Variants in RIMS2 observed in about 807,000 individuals in gnomAD.
RIMS2 encodes the protein regulating synaptic membrane exocytosis protein 2.
In RIMS2, 59 loss-of-function variants were observed where a neutral mutation model predicts 174.4. The ratio of observed to expected loss-of-function variants is 0.34; its 90% CI spans 0.27 to 0.42. The LOEUF (loss-of-function observed/expected upper bound fraction) is 0.42. Ranked by LOEUF, RIMS2 falls within the 10% of genes least tolerant of loss-of-function variation. RIMS2 has a pLI of 1.00. For missense variants in RIMS2, 1,620 were observed against 1,666.3 expected, an observed-to-expected ratio of 0.97 and a Z score of 0.48; for synonymous variants, 606 against 572.5, an observed-to-expected ratio of 1.06 and a Z score of -0.84.
chr8:103,742,280 A>G (rs748910235), intron 2 of RIMS2, among the ~76,000 whole-genome samples: 1 of 152,120 alleles, frequency 6.6e-6, no homozygotes, highest in Non-Finnish European at 1.5e-5. Flanking sequence ...GTGAGTATTT[A>G]CAGTTTTGAA....
chr8:104,230,963 A>G (rs2099224472), intron 19 of RIMS2, among the ~76,000 whole-genome samples: 1 of 152,238 alleles, frequency 6.6e-6, no homozygotes, highest in Non-Finnish European at 1.5e-5. Context: ...ATGTTGGCAC[A>G]TGAATAAAAA....
At chr8:103,642,425 A>G (rs1279936790) in intron 1 of RIMS2, among the ~76,000 whole-genome samples, 1 of 152,146 alleles carries the variant, frequency 6.6e-6, no homozygotes, top group African/African-American at 2.4e-5. Flanking sequence ...GTATTGCTAC[A>G]GTTCCACATT....
intron 1 of RIMS2, among the ~76,000 whole-genome samples, chr8:103,527,464 A>C (rs767153934): frequency 6.6e-6 from 1 of 152,166 alleles, no homozygotes; most frequent in Non-Finnish European, 1.5e-5. Context: ...ATATGTATAC[A>C]TGTGCCATGT....
At position 103,931,965 on chromosome 8, in the gene RIMS2, G is replaced by T. The variant is rs74951314; in HGVS notation, c.2375+572G>T. ...TCTTCTAATCAATATAAATGGTATTGTTCTACCCTTATTTTTTTTTCTTTT... is the reference window on the plus strand; with the variant it reads ...TCTTCTAATCAATATAAATGGTATTTTTCTACCCTTATTTTTTTTTCTTTT... On this transcript the variant is annotated intron_variant, in intron 12 of 23. Transcript: ENST00000504942. Among the ~76,000 whole-genome samples the T allele has an allele frequency of 1.1e-4, 17 of 151,744 alleles. No individual in the cohort carries two copies. In the East Asian group the frequency reaches 3.3e-3, roughly 29 times the overall value.
Position 103,510,864 on chromosome 8 carries a change from A to G in RIMS2, c.176+9802A>G, listed in dbSNP as rs138758714. Among the ~76,000 whole-genome samples the G allele has an allele frequency of 8.7e-3, 1,324 of 152,262 alleles. 74 individuals are homozygous for G. The highest frequency in any genetic ancestry group is 0.079 in the Admixed American group (1,211 of 15,282). ...ATATTTATGTGTTCCTGCAATTAGG[A>G]CAGAACATCTTTGGGGGGCCATTTA... On this transcript the variant is annotated intron_variant, in intron 1 of 23. Transcript: ENST00000504942.
chr8:103,967,479 C>T (rs1005368450), intron 15 of RIMS2, among the ~76,000 whole-genome samples: 2 of 151,694 alleles, frequency 1.3e-5, no homozygotes, highest in African/African-American at 4.8e-5. Context: ...TGGGCATGAA[C>T]CACCATGCCC....
At position 104,005,499 on chromosome 8, in the gene RIMS2, G is replaced by T. The variant is rs145356708; in HGVS notation, c.3045-7943G>T. Among the ~76,000 whole-genome samples, 6 of 152,238 alleles carry T rather than the reference G, an allele frequency of 3.9e-5. No individual in the cohort carries two copies. The South Asian group carries it at 8.3e-4, about 21-fold the overall frequency. On this transcript the variant is annotated intron_variant, in intron 17 of 23. Transcript: ENST00000504942. ...TGCAGGAAGGTTGATGTTTAAGGAA[G>T]TTTATTAACAATGGAGTAAGGATTC...
chr8:103,693,788 A>AT (rs2097061923), intron 1 of RIMS2, among the ~76,000 whole-genome samples: 2 of 151,896 alleles, frequency 1.3e-5, no homozygotes, highest in Non-Finnish European at 2.9e-5. Flanking sequence ...TTGTGGGCCG[A>AT]TTCATTTGGT....
intron 19 of RIMS2, among the ~76,000 whole-genome samples, chr8:104,168,048 A>G (rs1425161744): frequency 1.3e-5 from 2 of 152,064 alleles, no homozygotes; most frequent in African/African-American, 4.8e-5. Context: ...TGCCAGTAAC[A>G]TGTTGTTTTG....
At chr8:104,102,203 T>C (rs575751138) in intron 19 of RIMS2, among the ~76,000 whole-genome samples, 8 of 152,288 alleles carry the variant, frequency 5.3e-5, no homozygotes, top group African/African-American at 1.9e-4. Context: ...AAGCTCAGCA[T>C]GTAAAATTAA....
At chr8:103,682,297 A>G (rs1353321489) in intron 1 of RIMS2, among the ~76,000 whole-genome samples, 1 of 152,100 alleles carries the variant, frequency 6.6e-6, no homozygotes, top group Non-Finnish European at 1.5e-5. Context: ...ACATAATAAA[A>G]AGAGAAGAGG....
chr8:103,967,189 T>TTTTTTG, intron 15 of RIMS2, among the ~76,000 whole-genome samples: 1 of 133,280 alleles, frequency 7.5e-6, no homozygotes, highest in African/African-American at 3.0e-5. Context: ...TTTTTTTTTT[T>TTTTTTG]TTTTTTTTTT....
chr8:103,717,675 A>G (rs1331733078), intron 2 of RIMS2, among the ~76,000 whole-genome samples: 24 of 152,230 alleles, frequency 1.6e-4, no homozygotes, highest in Non-Finnish European at 4.4e-5. Flanking sequence ...ATAAGATTTC[A>G]TAATATAACA....
At chr8:103,652,515 C>T in intron 1 of RIMS2, 109 bp from the exon 3 acceptor site, 2 of 515,228 alleles carry the variant, frequency 3.9e-6, no homozygotes, top group East Asian at 1.4e-4. Flanking sequence ...CTCACATTAC[C>T]ATTGGCTGTA....
intron 19 of RIMS2, among the ~76,000 whole-genome samples, chr8:104,200,656 C>T (rs1278034188): frequency 6.6e-6 from 1 of 152,198 alleles, no homozygotes; most frequent in Non-Finnish European, 1.5e-5. Flanking sequence ...GCTGTAATCC[C>T]AGCACTTTTG....
chr8:103,800,776 G>A (rs1017225893), intron 3 of RIMS2, among the ~76,000 whole-genome samples: 1 of 152,064 alleles, frequency 6.6e-6, no homozygotes, highest in Non-Finnish European at 1.5e-5. Context: ...ATGAGGGAGA[G>A]TTGTATGTAG....
At chr8:103,861,004 C>T (rs886688572) in intron 3 of RIMS2, among the ~76,000 whole-genome samples, 1 of 151,456 alleles carries the variant, frequency 6.6e-6, no homozygotes, top group Non-Finnish European at 1.5e-5. Flanking sequence ...ATTTTAGATT[C>T]AGGAATTACA....
chr8:103,747,769 G>C lies in RIMS2; in HGVS notation c.388-18458G>C, dbSNP rs908157647. ...AGTTGCCATTAACTGTTATGGGTAA[G>C]ACTGCAGGTGGAGCAATTTCCGTGT... On this transcript the variant is annotated intron_variant, in intron 2 of 23. Transcript: ENST00000504942. 3.3e-5 allele frequency among the ~76,000 whole-genome samples: 5 copies of C among 152,158 alleles called. No homozygotes were observed. In the South Asian group the frequency reaches 6.2e-4, roughly 19 times the overall value.
chr8:103,702,852 G>GTTTTTT (rs59947900), intron 2 of RIMS2, among the ~76,000 whole-genome samples: 7 of 117,260 alleles, frequency 6.0e-5, no homozygotes, highest in Non-Finnish European at 1.1e-4. Context: ...TCCTCCAGCT[G>GTTTTTT]TTTTTTTTTT....
Sources: gnomAD v4.1 joint callset for allele counts (sites outside exome capture counted in the v4.1 genomes callset) on GRCh38, gnomAD v4.1.1 for gene constraint, MANE v1.5 for transcripts, NCBI Gene and HGNC (gene_info 2026-07-23, HGNC 2026-07-21) for gene names.